Variants in GLMN observed in about 807,000 individuals in gnomAD.
The protein encoded by GLMN is glomulin, FKBP associated protein.
Under a neutral mutation model 87.8 loss-of-function variants are expected in GLMN, and 75 were observed. The ratio of observed to expected loss-of-function variants is 0.85; its 90% CI spans 0.71 to 1.04. The LOEUF is 1.04. Among genes scored for constraint, GLMN ranks in the 50% least tolerant of loss-of-function variants. GLMN has a pLI of 0.00. For missense variants in GLMN, 588 were observed against 658.8 expected (o/e 0.89, Z 1.18); for synonymous variants, 206 against 221.6 (o/e 0.93, Z 0.63).
chr1:92,316,181 C>A, the GLMN span, among the ~76,000 whole-genome samples: 14 of 152,124 alleles, frequency 9.2e-5, 1 homozygote, highest in Admixed American at 7.2e-4. Flanking sequence ...TTAATGCTGA[C>A]AGAGCTAAAA....
chr1:92,298,006 T>C lies in GLMN; in HGVS notation c.-7A>G. On this transcript the variant is annotated 5_prime_UTR_variant, in exon 2 of 19. Coordinates refer to ENST00000370360, the MANE Select transcript of GLMN (RefSeq NM_053274.3). The stretch of plus-strand genomic sequence containing the variant: ...GAAGTTCCTCTACAGCCATTCTTAT[T>C]TCTCCTAGTTTCGATGCTAAAATCT... 1 of 1,478,576 alleles carries C rather than the reference T, an allele frequency of 6.8e-7. No homozygotes were observed. Among genetic ancestry groups the C allele is most frequent in the Non-Finnish European group, 9.5e-7 (1 of 1,056,978 alleles). The allele number at this position is 1,478,576 out of a possible 1,614,324, so 91.6% of individuals were successfully genotyped here. A position where few individuals can be genotyped will look rare whatever the true frequency, so the allele number is the denominator to read the frequency against.
At chr1:92,300,298 C>T, upstream of GLMN, 5 of 1,282,908 alleles carry the variant, frequency 3.9e-6, no homozygotes, top group Non-Finnish European at 5.5e-6. Context: ...ATTACTTGTA[C>T]CAATTTTAAA....
the GLMN span, chr1:92,307,131 G>A: frequency 1.1e-5 from 13 of 1,151,664 alleles, no homozygotes; most frequent in East Asian, 3.1e-4. Flanking sequence ...ACTCTCAACT[G>A]TATGTAGGTA....
intron 7 of GLMN, among the ~76,000 whole-genome samples, chr1:92,280,265 G>A (rs1183376375): frequency 6.6e-6 from 1 of 152,216 alleles, no homozygotes; most frequent in African/African-American, 2.4e-5. Flanking sequence ...AGCTTCCAGA[G>A]GAAGGATCAG....
chr1:92,337,483 C>A, the GLMN span, among the ~76,000 whole-genome samples: 1 of 152,024 alleles, frequency 6.6e-6, no homozygotes, highest in Non-Finnish European at 1.5e-5. Context: ...AGGCAAACCT[C>A]AAAAATTATT....
chr1:92,357,232 GT>G, the GLMN span, among the ~76,000 whole-genome samples: 1 of 152,082 alleles, frequency 6.6e-6, no homozygotes, highest in Non-Finnish European at 1.5e-5. Context: ...CCTACTGGAG[GT>G]TGAGGAAAGG....
upstream of GLMN, among the ~76,000 whole-genome samples, chr1:92,302,744 C>T (rs1048653162): frequency 3.3e-5 from 5 of 151,374 alleles, no homozygotes; most frequent in African/African-American, 1.2e-4. Context: ...TGGGACTGGG[C>T]GCCCACCATT....
chr1:92,273,067 C>T (rs1183913499), intron 7 of GLMN, among the ~76,000 whole-genome samples: 1 of 152,162 alleles, frequency 6.6e-6, no homozygotes, highest in Non-Finnish European at 1.5e-5. Flanking sequence ...ATAACTTCCA[C>T]ACAAGTCACT....
At position 92,264,558 on chromosome 1, in the gene GLMN, AATGAC is replaced by A. The variant is rs1394277239; in HGVS notation, c.1290_1294del (p.Met430IlefsTer6). 1 of 1,476,346 alleles carries A rather than the reference AATGAC, an allele frequency of 6.8e-7. No individual in the cohort carries two copies. The allele number at this position is 1,476,346 out of a possible 1,614,324, so 91.5% of individuals were successfully genotyped here. On this transcript the variant is annotated frameshift_variant, in exon 14 of 19. Coordinates refer to ENST00000370360, the MANE Select transcript of GLMN (RefSeq NM_053274.3). LOFTEE classifies it high-confidence loss of function. ...ACACTTTGGCTATGTTCTTACCTTT[AATGAC>A]ATGTCAATTTGATTTTTGATATTTT... is the stretch of plus-strand genomic sequence containing the variant.
At chr1:92,364,767 T>G in the GLMN span, among the ~76,000 whole-genome samples, 1 of 152,194 alleles carries the variant, frequency 6.6e-6, no homozygotes, top group Non-Finnish European at 1.5e-5. Flanking sequence ...GCTGCAATTA[T>G]AGCCCTCCCA....
At chr1:92,299,512 T>C (rs1650635064), upstream of GLMN, among the ~76,000 whole-genome samples, 1 of 152,068 alleles carries the variant, frequency 6.6e-6, no homozygotes, top group Admixed American at 6.5e-5. Flanking sequence ...TCCAGATTGC[T>C]TGGGTGCCCA....
At position 92,297,433 on chromosome 1, in the gene GLMN, A is replaced by C; in HGVS notation, c.136T>G (p.Leu46Val). 1 of 1,610,878 alleles carries C rather than the reference A, an allele frequency of 6.2e-7. No homozygotes were observed. The highest frequency in any genetic ancestry group is 8.5e-7 in the Non-Finnish European group (1 of 1,177,654). Residue 46 changes from leucine to valine, a missense_variant, in exon 3 of 19, where the codon TTA (leucine) becomes GTA (valine). Leu to Val is a conservative substitution (Grantham distance 32). Coordinates refer to ENST00000370360, the MANE Select transcript of GLMN (RefSeq NM_053274.3). The stretch of plus-strand genomic sequence containing the variant: ...TTCTTTTCATTTTGAATAATTTCTA[A>C]TAGCTGGTCTGTGTGCCCTTCTTCT... ...CIEEGHTDQL[L>V]EIIQNEKNKV... is the part of the protein sequence containing the mutation.
chr1:92,281,951 C>T (rs575021409), intron 7 of GLMN, among the ~76,000 whole-genome samples: 2 of 152,284 alleles, frequency 1.3e-5, no homozygotes, highest in Admixed American at 6.5e-5. Context: ...GCACCCAATA[C>T]AGGAGCACCC....
intron 16 of GLMN, among the ~76,000 whole-genome samples, chr1:92,260,704 G>A (rs1654921945): frequency 7.2e-6 from 1 of 139,604 alleles, no homozygotes; most frequent in Admixed American, 7.6e-5. Context: ...GCAGCAGTGA[G>A]CCATGACTGC....
At chr1:92,293,237 A>G (rs1018482233) in intron 3 of GLMN, among the ~76,000 whole-genome samples, 1 of 152,210 alleles carries the variant, frequency 6.6e-6, no homozygotes, top group Non-Finnish European at 1.5e-5. Flanking sequence ...AGAAATGCAA[A>G]TCAAAACTAC....
the GLMN span, among the ~76,000 whole-genome samples, chr1:92,347,014 C>A: frequency 6.6e-6 from 1 of 152,260 alleles, no homozygotes; most frequent in African/African-American, 2.4e-5. Flanking sequence ...TTACTTCAGT[C>A]TGACATGTTA....
chr1:92,266,589 ACCT>A, intron 12 of GLMN, 97 bp from the exon 13 acceptor site: 1 of 1,031,096 alleles, frequency 9.7e-7, no homozygotes, highest in Non-Finnish European at 1.5e-6. Context: ...CCACACTTGT[ACCT>A]CCTAAATAAA....
chr1:92,257,915 G>T (rs1453097480), intron 16 of GLMN, among the ~76,000 whole-genome samples: 1 of 152,078 alleles, frequency 6.6e-6, no homozygotes, highest in Admixed American at 6.5e-5. Flanking sequence ...GGACAAATGG[G>T]ATCTAATTAA....
At position 92,254,486 on chromosome 1, in the gene GLMN, A is replaced by G. The variant is rs545046487; in HGVS notation, c.1474-6497T>C. ...AATCATCAGATTCACCAAGGTTGAA[A>G]TGAAGGAAAAAATGTTAAGTGCAGC... is the stretch of plus-strand genomic sequence containing the variant. On this transcript the variant is annotated intron_variant, in intron 16 of 18. Coordinates refer to ENST00000370360, the MANE Select transcript of GLMN (RefSeq NM_053274.3). Among the ~76,000 whole-genome samples, 10 of 152,354 alleles carry G rather than the reference A, an allele frequency of 6.6e-5. No individual in the cohort carries two copies. The South Asian group carries it at 1.2e-3, about 19-fold the overall frequency.
Sources: allele counts gnomAD v4.1 joint callset (sites outside exome capture counted in the v4.1 genomes callset), GRCh38; gene constraint gnomAD v4.1.1; transcripts MANE v1.5; gene names NCBI Gene and HGNC (gene_info 2026-07-23, HGNC 2026-07-21).